The following AK8 variants were observed in gnomAD, a reference collection of about 807,000 sequenced individuals.
AK8 encodes the protein adenylate kinase 8.
AK8 carries 44 observed loss-of-function variants against 54.6 expected under a neutral mutation model. That is an observed-to-expected ratio of 0.81 (90% CI 0.63 to 1.04). AK8 has a LOEUF of 1.04. Ranked by LOEUF, AK8 falls within the 50% of genes least tolerant of loss-of-function variation. The pLI is 0.00. For missense variants in AK8, 555 were observed against 613.6 expected (o/e 0.90, Z 1.01); for synonymous variants, 239 against 245.6 (o/e 0.97, Z 0.25).
intron 5 of AK8, among the ~76,000 whole-genome samples, chr9:132,852,335 C>T (rs1261259202): frequency 5.3e-5 from 8 of 152,020 alleles, no homozygotes; most frequent in South Asian, 4.1e-4. Flanking sequence ...TTGGGCCGGG[C>T]GCGGTGGCTC....
intron 5 of AK8, among the ~76,000 whole-genome samples, chr9:132,848,179 T>G (rs978168050): frequency 5.1e-4 from 76 of 150,380 alleles, no homozygotes; most frequent in African/African-American, 1.8e-3. Context: ...CCTTGAATGC[T>G]TCCAGCCTGG....
At chr9:132,854,204 G>T (rs538087745) in intron 5 of AK8, among the ~76,000 whole-genome samples, 1 of 152,072 alleles carries the variant, frequency 6.6e-6, no homozygotes, top group African/African-American at 2.4e-5. Flanking sequence ...TGTCTCAAAC[G>T]TATATATACA....
chr9:132,840,155 G>A (rs764532010), intron 5 of AK8, among the ~76,000 whole-genome samples: 4 of 152,096 alleles, frequency 2.6e-5, no homozygotes, highest in Admixed American at 1.3e-4. Context: ...GGCTCTCAAT[G>A]CTGCCACATT....
At chr9:132,738,548 CT>C (rs1837222795) in intron 11 of AK8, among the ~76,000 whole-genome samples, 1 of 151,942 alleles carries the variant, frequency 6.6e-6, no homozygotes, top group Non-Finnish European at 1.5e-5. Flanking sequence ...GCAAATAATA[CT>C]TTGTTCAGAC....
chr9:132,860,453 C>T lies in AK8; in HGVS notation c.333+3212G>A, dbSNP rs1785616084. ...CAAGGGAGTCAGCCAGCATCGTTCA[C>T]ATCTGGCGGACTCGAACGCAGGTAG... On this transcript the variant is annotated intron_variant, in intron 4 of 12. Transcript: ENST00000298545. The surrounding 1 kb of genome is among the most constrained non-coding windows in gnomAD (Gnocchi z 4.4). Among the ~76,000 whole-genome samples, 2 of 152,252 alleles carry T rather than the reference C, an allele frequency of 1.3e-5. No individual in the cohort carries two copies. Among genetic ancestry groups the T allele is most frequent in the Admixed American group, 1.3e-4 (2 of 15,288 alleles).
intron 11 of AK8, among the ~76,000 whole-genome samples, chr9:132,786,889 A>G (rs960003128): frequency 1.1e-4 from 16 of 152,180 alleles, no homozygotes; most frequent in African/African-American, 3.9e-4. Context: ...TATGTCATTA[A>G]CATTTTCAAG....
intron 4 of AK8, chr9:132,861,337 C>A (rs1156857330): frequency 6.6e-6 from 1 of 152,176 alleles, no homozygotes; most frequent in Non-Finnish European, 1.5e-5. Flanking sequence ...GTGCCTAGGA[C>A]TTAGTAGGTG....
upstream of AK8, chr9:132,878,340 C>A (rs112793979): frequency 3.9e-6 from 5 of 1,278,408 alleles, no homozygotes; most frequent in Non-Finnish European, 9.9e-7. The surrounding 1 kb of genome is among the most constrained non-coding windows in gnomAD (Gnocchi z 4.7). Flanking sequence ...GCCGCGGCCC[C>A]GCCCTGCAGG....
chr9:132,751,105 C>A (rs373177968), intron 11 of AK8, among the ~76,000 whole-genome samples: 3 of 151,834 alleles, frequency 2.0e-5, no homozygotes, highest in Non-Finnish European at 4.4e-5. Flanking sequence ...GGTTTTATGC[C>A]GGGTGCCGTG....
At chr9:132,746,606 T>G (rs7851801) in intron 11 of AK8, among the ~76,000 whole-genome samples, 4,176 of 152,336 alleles carry the variant, frequency 0.027, 182 homozygotes, top group African/African-American at 0.094. Context: ...GGAGGCTCTA[T>G]CCATCACTTT....
rs534901613 is a variant in AK8 at position 132,856,159 on chromosome 9, C to A, written c.334-1234G>T. Among the ~76,000 whole-genome samples the A allele has an allele frequency of 6.6e-5, 10 of 152,364 alleles. No individual in the cohort carries two copies. The East Asian group carries it at 1.9e-3, about 29-fold the overall frequency. ...CAACAGGGGCTAAAAATCTCCTCTA[C>A]ACCCACCCACATTTCTGAAAAAGGA... is the stretch of plus-strand genomic sequence containing the variant. On this transcript the variant is annotated intron_variant, in intron 4 of 12. Coordinates refer to ENST00000298545, the MANE Select transcript of AK8 (RefSeq NM_152572.3).
intron 5 of AK8, among the ~76,000 whole-genome samples, chr9:132,850,897 TAAAA>T (rs34133877): frequency 7.4e-6 from 1 of 135,320 alleles, no homozygotes. Flanking sequence ...TAGGTGCATT[TAAAA>T]AAAAAAAAAA....
chr9:132,845,162 T>C (rs1174441150), intron 5 of AK8, among the ~76,000 whole-genome samples: 4 of 152,262 alleles, frequency 2.6e-5, no homozygotes, highest in Admixed American at 6.6e-5. Context: ...TGCAATGTCA[T>C]GTAGCAGATA....
At chr9:132,847,991 C>T (rs1296242815) in intron 5 of AK8, among the ~76,000 whole-genome samples, 2 of 151,986 alleles carry the variant, frequency 1.3e-5, no homozygotes, top group African/African-American at 4.8e-5. Context: ...TGGCATGTGC[C>T]TGTAGTCCCA....
chr9:132,727,383 C>CA (rs1179399621), intron 12 of AK8, 71 bp downstream of exon 12: 5 of 1,388,698 alleles, frequency 3.6e-6, no homozygotes, highest in East Asian at 4.6e-5. Context: ...TCCACCATGG[C>CA]ATTGGTCAGT....
intron 11 of AK8, among the ~76,000 whole-genome samples, chr9:132,774,440 C>G (rs565236142): frequency 1.3e-5 from 2 of 152,306 alleles, no homozygotes; most frequent in African/African-American, 4.8e-5. Context: ...GAGCTTCAAG[C>G]TTTTAGACAT....
intron 10 of AK8, among the ~76,000 whole-genome samples, chr9:132,795,960 T>C (rs1840152696): frequency 6.6e-6 from 1 of 152,180 alleles, no homozygotes; most frequent in Non-Finnish European, 1.5e-5. Context: ...TTTCTGAGTG[T>C]CATCTCTAAT....
chr9:132,853,213 C>A (rs1843037274), intron 5 of AK8, among the ~76,000 whole-genome samples: 1 of 151,492 alleles, frequency 6.6e-6, no homozygotes. Flanking sequence ...CAAAAATAAG[C>A]CAGGCATGGT....
intron 10 of AK8, among the ~76,000 whole-genome samples, chr9:132,793,921 G>T (rs533898097): frequency 2.0e-4 from 30 of 152,284 alleles, no homozygotes; most frequent in African/African-American, 6.3e-4. Flanking sequence ...CCTACCGACT[G>T]CCCGGGGGTC....
Sources: allele counts gnomAD v4.1 joint callset (sites outside exome capture counted in the v4.1 genomes callset), GRCh38; gene constraint gnomAD v4.1.1; non-coding constraint Gnocchi (gnomAD v3.1); transcripts MANE v1.5; gene names NCBI Gene and HGNC (gene_info 2026-07-23, HGNC 2026-07-21).